The following CDKL4 variants were observed in gnomAD, a reference collection of about 807,000 sequenced individuals.
CDKL4 encodes the protein cyclin-dependent kinase-like 4.
CDKL4 carries 44 observed loss-of-function variants against 42.0 expected under a neutral mutation model. The observed-to-expected ratio is 1.05, with a 90% CI of 0.82 to 1.35. The LOEUF is 1.35. Ranked by LOEUF, CDKL4 falls within the 40% of genes most tolerant of loss-of-function variation. The pLI, the probability that CDKL4 is intolerant of heterozygous loss-of-function variation, is 0.00. For synonymous variants in CDKL4, 120 were observed against 121.6 expected (o/e 0.99, Z 0.09); for missense variants, 393 against 369.9 (o/e 1.06, Z -0.51).
chr2:39,193,210 G>A (rs903040467), intron 5 of CDKL4, among the ~76,000 whole-genome samples: 1 of 150,056 alleles, frequency 6.7e-6, no homozygotes, highest in Non-Finnish European at 1.5e-5. Flanking sequence ...GAACGGGGTG[G>A]ATCACTTGAG....
chr2:39,246,217 T>C (rs1679907569), upstream of CDKL4, among the ~76,000 whole-genome samples: 1 of 152,228 alleles, frequency 6.6e-6, no homozygotes, highest in African/African-American at 2.4e-5. Context: ...CTTAGATACA[T>C]GCTGAAATCT....
chr2:39,193,641 C>T (rs546609867), intron 5 of CDKL4, among the ~76,000 whole-genome samples: 41 of 152,212 alleles, frequency 2.7e-4, no homozygotes, highest in Non-Finnish European at 5.0e-4. Context: ...TCCCAAAGTG[C>T]TGGGATTATA....
At chr2:39,234,427 T>C (rs904559547) in intron 1 of CDKL4, among the ~76,000 whole-genome samples, 4 of 151,402 alleles carry the variant, frequency 2.6e-5, no homozygotes, top group African/African-American at 9.7e-5. Context: ...AGAATTAAAA[T>C]GAAGAAAAAA....
chr2:39,170,605 C>T, the CDKL4 span, among the ~76,000 whole-genome samples: 3 of 151,912 alleles, frequency 2.0e-5, no homozygotes, highest in African/African-American at 7.3e-5. Context: ...TACAGGCGCC[C>T]GCCACCATGC....
chr2:39,168,391 G>C, the CDKL4 span, among the ~76,000 whole-genome samples: 17 of 152,146 alleles, frequency 1.1e-4, no homozygotes, highest in African/African-American at 3.4e-4. Flanking sequence ...TATGCCTGTT[G>C]AGTAGGATTA....
chr2:39,185,813 G>T (rs867356415), intron 7 of CDKL4, among the ~76,000 whole-genome samples: 53 of 152,014 alleles, frequency 3.5e-4, no homozygotes, highest in African/African-American at 1.3e-3. Flanking sequence ...TGTATGTAAA[G>T]ATCTGAAATA....
At chr2:39,233,707 A>C (rs1679209602) in intron 1 of CDKL4, among the ~76,000 whole-genome samples, 1 of 151,634 alleles carries the variant, frequency 6.6e-6, no homozygotes, top group Non-Finnish European at 1.5e-5. Flanking sequence ...CAAAAATTTC[A>C]GTTAATGAAA....
chr2:39,180,752 G>A (rs945859292), intron 8 of CDKL4, among the ~76,000 whole-genome samples: 2 of 146,276 alleles, frequency 1.4e-5, no homozygotes, highest in African/African-American at 2.6e-5. Context: ...ATGCAGTAGC[G>A]CCACCTCGGC....
At chr2:39,194,601 T>C (rs928800808) in intron 5 of CDKL4, among the ~76,000 whole-genome samples, 2 of 152,340 alleles carry the variant, frequency 1.3e-5, no homozygotes, top group Middle Eastern at 3.4e-3. Flanking sequence ...AGCCTTTTCT[T>C]TCATCTGTGA....
intron 8 of CDKL4, among the ~76,000 whole-genome samples, chr2:39,179,660 G>A (rs976206665): frequency 6.6e-6 from 1 of 152,138 alleles, no homozygotes; most frequent in South Asian, 2.1e-4. Context: ...CATCAGCGTC[G>A]CAGGAACTTC....
Position 39,243,853 on chromosome 2 carries a change from G to A in CDKL4, c.-57+18C>T, listed in dbSNP as rs921571409. Among the ~76,000 whole-genome samples, 2 of 152,232 alleles carry A rather than the reference G, an allele frequency of 1.3e-5. No homozygotes were observed. The highest frequency in any genetic ancestry group is 2.1e-4 in the South Asian group (1 of 4,834). On this transcript the variant is annotated intron_variant, in intron 1 of 9. Transcript: ENST00000451199. ...CGCTGCCCGCAGTTCCCCCGCCACC[G>A]GCAGAATCCGCACTTACTGCACCCA...
chr2:39,226,998 C>A (rs928726379), intron 2 of CDKL4, among the ~76,000 whole-genome samples: 3 of 152,138 alleles, frequency 2.0e-5, no homozygotes, highest in African/African-American at 7.2e-5. Context: ...CGTGGACAGG[C>A]TGGTCTCAAA....
At chr2:39,168,006 C>T in the CDKL4 span, among the ~76,000 whole-genome samples, 1 of 151,806 alleles carries the variant, frequency 6.6e-6, no homozygotes, top group African/African-American at 2.4e-5. Context: ...TTAAAATAAG[C>T]TAAAGAACAT....
chr2:39,184,681 T>C, intron 7 of CDKL4, 34 bp from the exon 8 acceptor site: 1 of 1,464,670 alleles, frequency 6.8e-7, no homozygotes, highest in Admixed American at 1.7e-5. Flanking sequence ...CAATATTACA[T>C]AAGAACAAAG....
intron 3 of CDKL4, among the ~76,000 whole-genome samples, chr2:39,217,179 T>A (rs1406648443): frequency 1.3e-5 from 2 of 152,158 alleles, no homozygotes; most frequent in Admixed American, 6.5e-5. Context: ...TCTGGTGAAA[T>A]CAAAAGATGC....
At chr2:39,185,702 C>A (rs1346154915) in intron 7 of CDKL4, among the ~76,000 whole-genome samples, 1 of 151,600 alleles carries the variant, frequency 6.6e-6, no homozygotes, top group Non-Finnish European at 1.5e-5. Context: ...ACCTAGTGAT[C>A]CGCCTGCCTC....
At chr2:39,208,290 A>G (rs1403271266) in intron 4 of CDKL4, among the ~76,000 whole-genome samples, 1 of 152,120 alleles carries the variant, frequency 6.6e-6, no homozygotes, top group African/African-American at 2.4e-5. Flanking sequence ...GAAGAACAAG[A>G]AACATGCAAG....
intron 1 of CDKL4, among the ~76,000 whole-genome samples, chr2:39,234,271 A>G (rs1243959979): frequency 6.6e-6 from 1 of 152,126 alleles, no homozygotes; most frequent in East Asian, 1.9e-4. Context: ...AAAGATATAA[A>G]AAGATAGTTG....
chr2:39,177,146 C>G (rs1173358599), intron 9 of CDKL4, among the ~76,000 whole-genome samples: 1 of 152,098 alleles, frequency 6.6e-6, no homozygotes, highest in Admixed American at 6.5e-5. Context: ...GCCTCTGGGC[C>G]TTTTGGAAGG....
Sources: gnomAD v4.1 joint callset for allele counts (sites outside exome capture counted in the v4.1 genomes callset) on GRCh38, gnomAD v4.1.1 for gene constraint, MANE v1.5 for transcripts, NCBI Gene and HGNC (gene_info 2026-07-23, HGNC 2026-07-21) for gene names.